Variants in MALRD1 observed in about 807,000 individuals in gnomAD.
The protein encoded by MALRD1 is MAM and LDL-receptor class A domain-containing protein 1.
A neutral mutation model predicts 242.1 loss-of-function variants in MALRD1; 247 were observed. The ratio of observed to expected loss-of-function variants is 1.02; its 90% CI spans 0.92 to 1.13. The LOEUF (loss-of-function observed/expected upper bound fraction) is 1.13, where lower values mean the gene tolerates loss of function less well. Among genes scored for constraint, MALRD1 ranks in the 50% most tolerant of loss-of-function variants. The probability of loss-of-function intolerance (pLI) is 0.00; values close to 1 mark genes in which losing one functional copy is unlikely to be tolerated. For missense variants in MALRD1, 2,989 were observed against 2,533.1 expected (o/e 1.18, Z -3.86); for synonymous variants, 995 against 866.6 (o/e 1.15, Z -2.60).
intron 12 of MALRD1, among the ~76,000 whole-genome samples, chr10:19,158,215 G>C (rs187701751): frequency 6.6e-6 from 1 of 152,180 alleles, no homozygotes; most frequent in Admixed American, 6.5e-5. Context: ...TACTGTGTAA[G>C]TAACACAATC....
chr10:19,508,411 T>C (rs1833242039), intron 31 of MALRD1, among the ~76,000 whole-genome samples: 1 of 152,206 alleles, frequency 6.6e-6, no homozygotes, highest in South Asian at 2.1e-4. Flanking sequence ...ACATGATGTT[T>C]TTAGAAAGGT....
chr10:19,601,291 G>A (rs1838330616), intron 34 of MALRD1, among the ~76,000 whole-genome samples: 2 of 152,120 alleles, frequency 1.3e-5, no homozygotes, highest in African/African-American at 2.4e-5. Context: ...TGAATTTTAT[G>A]TGTGAATTTT....
At chr10:19,374,430 T>A (rs984741652) in intron 26 of MALRD1, among the ~76,000 whole-genome samples, 7 of 152,238 alleles carry the variant, frequency 4.6e-5, no homozygotes, top group African/African-American at 1.7e-4. Context: ...AGTAGCATAA[T>A]TACTATAGGC....
chr10:19,237,698 ATAAT>A (rs1356084030), intron 18 of MALRD1, among the ~76,000 whole-genome samples: 1 of 116,848 alleles, frequency 8.6e-6, no homozygotes, highest in Non-Finnish European at 1.7e-5. Flanking sequence ...ATATAAATAC[ATAAT>A]TATATATATA....
chr10:19,376,824 C>A (rs1438280452), intron 26 of MALRD1, among the ~76,000 whole-genome samples: 1 of 151,970 alleles, frequency 6.6e-6, no homozygotes, highest in Non-Finnish European at 1.5e-5. Context: ...AATGATCTGA[C>A]CACCTCGGCC....
intron 28 of MALRD1, among the ~76,000 whole-genome samples, chr10:19,433,278 T>C (rs2130954896): frequency 6.6e-6 from 1 of 152,058 alleles, no homozygotes; most frequent in Non-Finnish European, 1.5e-5. Flanking sequence ...GAGGACGTGA[T>C]TCCGCTGAAA....
chr10:19,536,652 A>G (rs1422202648), intron 32 of MALRD1, among the ~76,000 whole-genome samples: 1 of 152,178 alleles, frequency 6.6e-6, no homozygotes, highest in Admixed American at 6.5e-5. Context: ...TAAAGAAAAC[A>G]GAAATCTTTT....
At chr10:19,734,021 A>C in intron 39 of MALRD1, 136 bp from the exon 40 acceptor site, 1 of 625,396 alleles carries the variant, frequency 1.6e-6, no homozygotes, top group Non-Finnish European at 2.7e-6. Flanking sequence ...GTGCTGGAAG[A>C]AGAGTCAGGG....
At chr10:19,237,038 T>C (rs1041985355) in intron 18 of MALRD1, among the ~76,000 whole-genome samples, 1 of 152,054 alleles carries the variant, frequency 6.6e-6, no homozygotes, top group African/African-American at 2.4e-5. Flanking sequence ...ATTTATAGGA[T>C]ACAATTTGAT....
intron 38 of MALRD1, among the ~76,000 whole-genome samples, chr10:19,705,899 C>A (rs1456731645): frequency 6.6e-6 from 1 of 151,220 alleles, no homozygotes; most frequent in Non-Finnish European, 1.5e-5. Flanking sequence ...AACATTCTAC[C>A]CCTTACCCTT....
chr10:19,119,671 G>A (rs1306148216), intron 5 of MALRD1, among the ~76,000 whole-genome samples: 1 of 152,080 alleles, frequency 6.6e-6, no homozygotes, highest in East Asian at 1.9e-4. Flanking sequence ...GTTTAGGGAG[G>A]GTCAGAATCT....
chr10:19,623,204 C>T (rs1023436094), intron 36 of MALRD1, among the ~76,000 whole-genome samples: 1 of 151,692 alleles, frequency 6.6e-6, no homozygotes, highest in African/African-American at 2.4e-5. Flanking sequence ...CCACCAAAAG[C>T]AATATCAAAA....
At chr10:19,290,749 T>A (rs1841378521) in intron 21 of MALRD1, among the ~76,000 whole-genome samples, 1 of 152,128 alleles carries the variant, frequency 6.6e-6, no homozygotes, top group South Asian at 2.1e-4. Context: ...TTTTAAAAAA[T>A]TATTATTTGC....
At chr10:19,435,834 A>G (rs546394342) in intron 28 of MALRD1, among the ~76,000 whole-genome samples, 1 of 152,224 alleles carries the variant, frequency 6.6e-6, no homozygotes, top group African/African-American at 2.4e-5. Context: ...CCACCTCCGT[A>G]AGGGTGGAGT....
chr10:19,137,071 A>AAGAT (rs2131414540), intron 10 of MALRD1, among the ~76,000 whole-genome samples: 1 of 152,202 alleles, frequency 6.6e-6, no homozygotes, highest in African/African-American at 2.4e-5. Context: ...GATTAAAGAG[A>AAGAT]AGATGGGTGG....
intron 36 of MALRD1, 71 bp from the exon 37 acceptor site, chr10:19,692,211 C>G (rs1833104094): frequency 9.0e-7 from 1 of 1,116,400 alleles, no homozygotes; most frequent in Non-Finnish European, 1.3e-6. Flanking sequence ...TGATTTTATC[C>G]CATGCCAGTT....
chr10:19,318,803 C>G (rs1179933462), intron 21 of MALRD1, among the ~76,000 whole-genome samples: 1 of 151,964 alleles, frequency 6.6e-6, no homozygotes, highest in Non-Finnish European at 1.5e-5. Context: ...TTTAAATTCA[C>G]TTGGTTATTT....
intron 5 of MALRD1, 39 bp downstream of exon 5, chr10:19,104,114 T>A: frequency 9.0e-7 from 1 of 1,112,400 alleles, no homozygotes; most frequent in Non-Finnish European, 1.1e-6. Context: ...TTACTGTGTT[T>A]AAAGATTTCA....
chr10:19,535,279 A>G (rs920993238), intron 32 of MALRD1, among the ~76,000 whole-genome samples: 8 of 152,298 alleles, frequency 5.3e-5, no homozygotes, highest in African/African-American at 1.9e-4. Flanking sequence ...ACATTCGGTC[A>G]TACGGAAACA....
Sources: allele counts gnomAD v4.1 joint callset (sites outside exome capture counted in the v4.1 genomes callset), GRCh38; gene constraint gnomAD v4.1.1; transcripts MANE v1.5; gene names NCBI Gene and HGNC (gene_info 2026-07-23, HGNC 2026-07-21).